Variants in SOX13 observed in about 807,000 individuals in gnomAD.
SOX13 encodes transcription factor SOX-13.
In SOX13, 28 loss-of-function variants were observed where a neutral mutation model predicts 71.8. The ratio of observed to expected loss-of-function variants is 0.39; its 90% CI spans 0.29 to 0.53. The LOEUF (loss-of-function observed/expected upper bound fraction) is 0.53, where lower values mean the gene tolerates loss of function less well. SOX13 is among the 20% of genes least tolerant of loss of function. SOX13 has a pLI of 0.70. For synonymous variants in SOX13, 309 were observed against 317.8 expected, an observed-to-expected ratio of 0.97 and a Z score of 0.29; for missense variants, 627 against 810.3, an observed-to-expected ratio of 0.77 and a Z score of 2.75.
In SOX13 at chr1:204,113,128, C is replaced by T. The variant is rs1656621700; in HGVS notation, c.213C>T (p.Gly71=). The T allele has an allele frequency of 6.5e-7, 1 of 1,549,776 alleles. No homozygotes were observed. Among genetic ancestry groups the T allele is most frequent in the Middle Eastern group, 2.0e-4 (1 of 5,096 alleles). ...CTCCAGCCCAGGGGAATTTCAGGGGCTCCTGGGTCAGTGTCCCCGCCCTGC... is the reference window on the plus strand; with the variant it reads ...CTCCAGCCCAGGGGAATTTCAGGGGTTCCTGGGTCAGTGTCCCCGCCCTGC... The part of the protein sequence containing the change: ...PQAPAQGNFR[G]SWDCSSPEGN... Residue 71 remains glycine (G), a synonymous_variant, in exon 2 of 14, where the codon GGC becomes GGT. Transcript: ENST00000367204.
intron 1 of SOX13, among the ~76,000 whole-genome samples, chr1:204,088,611 C>G (rs1656072522): frequency 6.6e-6 from 1 of 152,190 alleles, no homozygotes; most frequent in African/African-American, 2.4e-5. Context: ...TACCCCCACT[C>G]CCAGACTGGG....
intron 1 of SOX13, among the ~76,000 whole-genome samples, chr1:204,096,565 C>T (rs868647703): frequency 1.3e-5 from 2 of 151,838 alleles, no homozygotes; most frequent in South Asian, 2.1e-4. Context: ...TACAGGCACC[C>T]GCCACCACAC....
At chr1:204,094,623 C>T (rs1381253072) in intron 1 of SOX13, among the ~76,000 whole-genome samples, 2 of 152,108 alleles carry the variant, frequency 1.3e-5, no homozygotes, top group Non-Finnish European at 2.9e-5. Context: ...ACAAAGATGC[C>T]GGTGGCTTTT....
chr1:204,089,015 C>T (rs1054874446), intron 1 of SOX13, among the ~76,000 whole-genome samples: 12 of 152,168 alleles, frequency 7.9e-5, no homozygotes, highest in African/African-American at 2.7e-4. Flanking sequence ...GCATTTCTTT[C>T]TCTGCTTGGC....
At chr1:204,093,576 G>T (rs926984830) in intron 1 of SOX13, among the ~76,000 whole-genome samples, 1 of 152,234 alleles carries the variant, frequency 6.6e-6, no homozygotes, top group African/African-American at 2.4e-5. Flanking sequence ...TCCAGGCCCA[G>T]AGAAGCCTTG....
intron 1 of SOX13, among the ~76,000 whole-genome samples, chr1:204,084,792 T>TTTA (rs1326214628): frequency 3.3e-5 from 1 of 30,158 alleles, no homozygotes; most frequent in African/African-American, 4.0e-4. Flanking sequence ...CCTCTCAGGG[T>TTTA]TTGTTGTTGC....
intron 1 of SOX13, among the ~76,000 whole-genome samples, chr1:204,110,902 CAA>C (rs35786896): frequency 0.07 from 9,701 of 138,858 alleles, 406 homozygotes; most frequent in Non-Finnish European, 0.1. Flanking sequence ...AATCCCCATG[CAA>C]AAAAAAAAAA....
chr1:204,095,085 A>G (rs899429168), intron 1 of SOX13, among the ~76,000 whole-genome samples: 1 of 152,196 alleles, frequency 6.6e-6, no homozygotes, highest in Admixed American at 6.5e-5. Flanking sequence ...CGGGGAGGGC[A>G]TCAGGAGTAA....
intron 1 of SOX13, among the ~76,000 whole-genome samples, chr1:204,105,773 T>G (rs898779290): frequency 6.6e-6 from 1 of 152,104 alleles, no homozygotes; most frequent in Admixed American, 6.6e-5. Context: ...GTTTCTCTGT[T>G]TATAAAATGT....
intron 10 of SOX13, 30 bp downstream of exon 10, chr1:204,122,993 G>T (rs1240549402): frequency 6.5e-7 from 1 of 1,531,904 alleles, no homozygotes; most frequent in African/African-American, 1.4e-5. Context: ...TGAGCCTAGG[G>T]GCAGCAACAG....
chr1:204,115,698 G>A (rs1426874178), intron 4 of SOX13, among the ~76,000 whole-genome samples: 1 of 109,320 alleles, frequency 9.1e-6, no homozygotes, highest in Non-Finnish European at 1.7e-5. Flanking sequence ...GAGACAGCTC[G>A]CTCTGTTGCC....
chr1:204,123,146 A>T lies in SOX13; in HGVS notation c.1169A>T (p.Glu390Val). ...AGCCTGGACTCATCCCCAGCCAAGG[A>T]GCGGCTGGAGGACGGCTGTGTGCAC... is the stretch of plus-strand genomic sequence containing the variant. ...LISLDSSPAKERLEDGCVHPL... is the reference protein window; with the variant it reads ...LISLDSSPAKVRLEDGCVHPL... Residue 390 changes from glutamate to valine, a missense_variant, in exon 11 of 14, where the codon GAG becomes GTG. Transcript: ENST00000367204. This position sits in a 1 kb window ranked among gnomAD's most constrained non-coding sequence, Gnocchi z 5.0. The T allele has an allele frequency of 6.2e-7, 1 of 1,613,676 alleles. No individual in the cohort carries two copies. Among genetic ancestry groups the T allele is most frequent in the South Asian group, 1.1e-5 (1 of 91,076 alleles).
intron 1 of SOX13, among the ~76,000 whole-genome samples, chr1:204,083,544 A>C (rs900284149): frequency 6.6e-6 from 1 of 152,222 alleles, no homozygotes; most frequent in Non-Finnish European, 1.5e-5. Flanking sequence ...TAGCTTGGAT[A>C]GTCAGCTTTA....
At chr1:204,124,411 G>C (rs959476702) in intron 12 of SOX13, among the ~76,000 whole-genome samples, 1 of 152,256 alleles carries the variant, frequency 6.6e-6, no homozygotes, top group Non-Finnish European at 1.5e-5. Flanking sequence ...AGGAACATGG[G>C]TGGGTACTGA....
chr1:204,079,343 ATTTTTTT>A (rs746260553), intron 1 of SOX13, among the ~76,000 whole-genome samples: 5 of 110,818 alleles, frequency 4.5e-5, no homozygotes, highest in African/African-American at 1.8e-4. Flanking sequence ...AGCATAGAAC[ATTTTTTT>A]TTTTTTTTTT....
rs369549156 is a variant in SOX13 at position 204,123,647 on chromosome 1, C to T, written c.1232-14C>T. 8 of 1,611,400 alleles carry T rather than the reference C, an allele frequency of 5.0e-6. No individual in the cohort carries two copies. In the African/African-American group the frequency reaches 6.7e-5, roughly 13 times the overall value. ...CAGACAGGCTGCTTGGCTGACTTCA[C>T]TCCTGTCTCCCAGGCTCCCGCCACT... On this transcript the variant is annotated splice_polypyrimidine_tract_variant and intron_variant, in intron 11 of 13. Coordinates refer to ENST00000367204, the MANE Select transcript of SOX13 (RefSeq NM_005686.3). This position sits in a 1 kb window ranked among gnomAD's most constrained non-coding sequence, Gnocchi z 5.0.
intron 1 of SOX13, among the ~76,000 whole-genome samples, chr1:204,074,633 T>C (rs2102214751): frequency 6.6e-6 from 1 of 152,280 alleles, no homozygotes; most frequent in African/African-American, 2.4e-5. Context: ...GTCTTCAGGC[T>C]GGAGGCGCTC....
intron 1 of SOX13, among the ~76,000 whole-genome samples, chr1:204,092,755 G>A (rs1656172907): frequency 6.6e-6 from 1 of 152,054 alleles, no homozygotes; most frequent in African/African-American, 2.4e-5. Context: ...TCATGGGCAT[G>A]GCCTTTATGG....
Position 204,121,881 on chromosome 1 carries a change from C to T in SOX13, c.776-19C>T. On this transcript the variant is annotated intron_variant, in intron 7 of 13. Transcript: ENST00000367204. ...TCTGTGCTCATCCAGGACTTTTCTC[C>T]TTGCTGCCTTTTCCATAGTGGAGTA... is the stretch of plus-strand genomic sequence containing the variant. The T allele has an allele frequency of 1.3e-6, 2 of 1,587,692 alleles. No homozygotes were observed.
Sources: allele counts gnomAD v4.1 joint callset (sites outside exome capture counted in the v4.1 genomes callset), GRCh38; gene constraint gnomAD v4.1.1; non-coding constraint Gnocchi (gnomAD v3.1); transcripts MANE v1.5; gene names NCBI Gene and HGNC (gene_info 2026-07-23, HGNC 2026-07-21).